The following CRELD1 variants were observed in gnomAD, a reference collection of about 807,000 sequenced individuals.
The protein encoded by CRELD1 is CRELD disulfide isomerase 1, also known as protein disulfide isomerase CRELD1.
CRELD1 carries 42 observed loss-of-function variants against 58.2 expected under a neutral mutation model. The ratio of observed to expected loss-of-function variants is 0.72; its 90% CI spans 0.56 to 0.93. The LOEUF (loss-of-function observed/expected upper bound fraction) is 0.93. Ranked by LOEUF, CRELD1 falls within the 40% of genes least tolerant of loss-of-function variation. CRELD1 has a pLI of 0.00. For synonymous variants in CRELD1, 222 were observed against 202.0 expected (o/e 1.10, Z -0.84); for missense variants, 500 against 540.6 (o/e 0.92, Z 0.74).
At chr3:9,944,324 A>C in intron 10 of CRELD1, 41 bp from the exon 11 acceptor site, 1 of 1,548,228 alleles carries the variant, frequency 6.5e-7, no homozygotes, top group South Asian at 1.1e-5. Flanking sequence ...TACCAGGAAC[A>C]GGGATACGAG....
rs570645162 is a variant in CRELD1, at chr3:9,944,242, G to A, written c.1049-123G>A. On this transcript the variant is annotated intron_variant, in intron 10 of 10. Transcript: ENST00000452070. The stretch of plus-strand genomic sequence containing the variant: ...TGGTTTTGAGCAGTAAATGTAGTGT[G>A]CCTGGCTTGCTGGGCAGGCCTGGTG... 394 of 904,636 alleles carry A rather than the reference G, an allele frequency of 4.4e-4. 2 individuals carry two copies. In the South Asian group the frequency reaches 5.0e-3, roughly 11 times the overall value. The allele number at this position is 904,636 out of a possible 1,614,324, so 56.0% of individuals were successfully genotyped here.
In CRELD1 at chr3:9,944,496, A is replaced by G. The variant is rs2085466391; in HGVS notation, c.1180A>G (p.Ile394Val). 6.2e-7 allele frequency: 1 copy of G among 1,613,062 alleles called. No homozygotes were observed. Among genetic ancestry groups the G allele is most frequent in the Non-Finnish European group, 8.5e-7 (1 of 1,180,022 alleles). Residue 394 changes from isoleucine (I) to valine (V), a missense_variant, in exon 11 of 11, where the codon ATT becomes GTT. Ile to Val is a conservative substitution (Grantham distance 29). Coordinates refer to ENST00000452070, the MANE Select transcript of CRELD1 (RefSeq NM_001077415.3). The stretch of plus-strand genomic sequence containing the variant: ...CGACTTGGTGTTCACCGCCATCTTC[A>G]TTGGGGCTGTGGCGGCCATGACTGG... ...KGDLVFTAIFIGAVAAMTGYW... is the reference protein window; with the variant it reads ...KGDLVFTAIFVGAVAAMTGYW...
In CRELD1 at chr3:9,939,808, C is replaced by T. The variant is rs1036810892; in HGVS notation, c.461-1042C>T. Among the ~76,000 whole-genome samples, 9 of 152,282 alleles carry T rather than the reference C, an allele frequency of 5.9e-5. No homozygotes were observed. In the South Asian group the frequency reaches 1.7e-3, roughly 28 times the overall value. On this transcript the variant is annotated intron_variant, in intron 5 of 10. Coordinates refer to ENST00000452070, the MANE Select transcript of CRELD1 (RefSeq NM_001077415.3). ...TTCCCCCTTTTCTATTCCACAAAAC[C>T]GCCATTGTCATCCTGGCCCGTTCTC...
intron 3 of CRELD1, among the ~76,000 whole-genome samples, chr3:9,936,573 A>G (rs2085202478): frequency 2.0e-5 from 3 of 151,556 alleles, no homozygotes; most frequent in Admixed American, 2.0e-4. Context: ...ATATATGTAT[A>G]TATTTGTGGT....
At chr3:9,943,345 G>C (rs1183506362) in intron 9 of CRELD1, 36 bp from the exon 10 acceptor site, 2 of 1,613,572 alleles carry the variant, frequency 1.2e-6, no homozygotes, top group African/African-American at 1.3e-5. Context: ...TGGGTGGGGG[G>C]CCCTAGCAGG....
intron 3 of CRELD1, chr3:9,936,397 T>A (rs1200751656): frequency 6.6e-6 from 1 of 152,120 alleles, no homozygotes; most frequent in Non-Finnish European, 1.5e-5. Flanking sequence ...TCACCTCCTA[T>A]ATGCCAGGCA....
At chr3:9,941,901 G>A (rs2085380278) in intron 7 of CRELD1, among the ~76,000 whole-genome samples, 1 of 151,606 alleles carries the variant, frequency 6.6e-6, no homozygotes, top group African/African-American at 2.4e-5. Flanking sequence ...TCCCAGCCTA[G>A]CCACTTATAT....
rs754728781 is a variant in CRELD1 at position 9,943,439 on chromosome 3, C to T, written c.972C>T (p.Thr324=). 33 of 1,613,778 alleles carry T rather than the reference C, an allele frequency of 2.0e-5. No individual in the cohort carries two copies. Among genetic ancestry groups the T allele is most frequent in the Non-Finnish European group, 2.5e-5 (29 of 1,179,960 alleles). Residue 324 remains threonine, a synonymous_variant, in exon 10 of 11, where the codon ACC becomes ACT. Transcript: ENST00000452070. ...GAGAGAACAAGCAGTGTGAAAACAC[C>T]GAGGGCGGTTATCGCTGCATCTGTG... The part of the protein sequence containing the change: ...CPGENKQCEN[T]EGGYRCICAE...
intron 5 of CRELD1, among the ~76,000 whole-genome samples, chr3:9,939,821 C>A (rs7649914): frequency 0.36 from 55,183 of 151,350 alleles, 13,575 homozygotes; most frequent in African/African-American, 0.71. Context: ...CATTGTCATC[C>A]TGGCCCGTTC....
chr3:9,943,253 G>C, intron 9 of CRELD1, 81 bp downstream of exon 9: 1 of 1,589,432 alleles, frequency 6.3e-7, no homozygotes, highest in Non-Finnish European at 8.6e-7. Context: ...AATATGGGCA[G>C]GTGGGGGAAG....
Position 9,944,441 on chromosome 3 carries a change from CTG to C in CRELD1, c.1128_1129del (p.Ala377ThrfsTer7), listed in dbSNP as rs753036307. The C allele has an allele frequency of 2.5e-5, 40 of 1,613,922 alleles. No homozygotes were observed. Among genetic ancestry groups the C allele is most frequent in the Non-Finnish European group, 3.0e-5 (35 of 1,180,042 alleles). Reference sequence around the variant, plus strand: ...AGCAGATGTTCTTTGGCATCATCATCTGTGCACTGGCCACGCTGGCTGCTAAG... The same window carrying C: ...AGCAGATGTTCTTTGGCATCATCATCTGCACTGGCCACGCTGGCTGCTAAG... ...LQQMFFGIII[C>X]ALATLAAKGD... On this transcript the variant is annotated frameshift_variant, in exon 11 of 11. Coordinates refer to ENST00000452070, the MANE Select transcript of CRELD1 (RefSeq NM_001077415.3). LOFTEE classifies it high-confidence loss of function.
intron 7 of CRELD1, among the ~76,000 whole-genome samples, chr3:9,942,059 C>T (rs1297306975): frequency 1.3e-5 from 2 of 151,994 alleles, no homozygotes; most frequent in African/African-American, 2.4e-5. Flanking sequence ...CACCTGAGGT[C>T]AGGAGTTCGA....
chr3:9,941,070 C>T (rs1192088222), intron 6 of CRELD1, 41 bp from the exon 7 acceptor site: 1 of 1,613,694 alleles, frequency 6.2e-7, no homozygotes, highest in Non-Finnish European at 8.5e-7. Flanking sequence ...GCAGATGGGG[C>T]ACCTGCCTGC....
chr3:9,945,043 T>C lies in CRELD1; in HGVS notation c.*464T>C. 9.5e-6 allele frequency: 2 copies of C among 210,218 alleles called. No individual in the cohort carries two copies. Among genetic ancestry groups the C allele is most frequent in the Non-Finnish European group, 2.0e-5 (2 of 101,568 alleles). The allele number at this position is 210,218 out of a possible 1,614,324, so 13.0% of individuals were successfully genotyped here. On this transcript the variant is annotated 3_prime_UTR_variant, in exon 11 of 11. Transcript: ENST00000452070. ...CTTGGAAAGTTAAAAGGCATCAGTC[T>C]TACTACCTGTCCCACCACCCCCACC... is the stretch of plus-strand genomic sequence containing the variant.
chr3:9,939,864 G>C (rs533111702), intron 5 of CRELD1, among the ~76,000 whole-genome samples: 2 of 152,356 alleles, frequency 1.3e-5, no homozygotes, highest in East Asian at 3.9e-4. Context: ...TCCCAGACGG[G>C]GTGGTGGCCG....
rs2085104802 is a variant in CRELD1, at chr3:9,934,456, G to C, written c.18G>C (p.Pro6=). 1.9e-6 allele frequency: 3 copies of C among 1,613,714 alleles called. No homozygotes were observed. The South Asian group carries it at 3.3e-5, about 18-fold the overall frequency. ...GGGTAAAGATGGCCCCATGGCCCCC[G>C]AAGGGCCTAGTCCCAGCTATGCTCT... MAPWP[P]KGLVPAMLWG... Residue 6 remains proline, a synonymous_variant, in exon 2 of 11, where the codon CCG becomes CCC. Coordinates refer to ENST00000452070, the MANE Select transcript of CRELD1 (RefSeq NM_001077415.3).
intron 10 of CRELD1, chr3:9,943,969 C>G (rs373443432): frequency 3.4e-6 from 4 of 1,164,364 alleles, no homozygotes; most frequent in Non-Finnish European, 5.2e-6. Context: ...GTTCTCATCC[C>G]CACTCTACAT....
In CRELD1 at chr3:9,940,831, G is replaced by A. The variant is rs745900287; in HGVS notation, c.461-19G>A. The A allele has an allele frequency of 6.2e-7, 1 of 1,612,972 alleles. No homozygotes were observed. Among genetic ancestry groups the A allele is most frequent in the African/African-American group, 1.3e-5 (1 of 74,736 alleles). Reference sequence around the variant, plus strand: ...AAGGTTGTATAGATGACCTCACCTGGTTTGGTGTCTTCCCACAGCCTGTCC... The same window carrying A: ...AAGGTTGTATAGATGACCTCACCTGATTTGGTGTCTTCCCACAGCCTGTCC... On this transcript the variant is annotated intron_variant, in intron 5 of 10. Transcript: ENST00000452070.
At chr3:9,940,414 C>A (rs2085327099) in intron 5 of CRELD1, among the ~76,000 whole-genome samples, 1 of 152,098 alleles carries the variant, frequency 6.6e-6, no homozygotes, top group Non-Finnish European at 1.5e-5. Context: ...GTCTGCAATC[C>A]CGGCACCTCG....
Sources: allele counts gnomAD v4.1 joint callset (sites outside exome capture counted in the v4.1 genomes callset), GRCh38; gene constraint gnomAD v4.1.1; transcripts MANE v1.5; gene names NCBI Gene and HGNC (gene_info 2026-07-23, HGNC 2026-07-21).